KRT34: variants seen among roughly 807,000 people sequenced by gnomAD.
The protein encoded by KRT34 is keratin, type I cuticular Ha4.
Under a neutral mutation model 41.7 loss-of-function variants are expected in KRT34, and 31 were observed. That is an observed-to-expected ratio of 0.74 (90% CI 0.56 to 1.00). The LOEUF is 1.00. Among genes scored for constraint, KRT34 ranks in the 50% least tolerant of loss-of-function variants. The pLI is 0.00. For synonymous variants in KRT34, 224 were observed against 212.9 expected (o/e 1.05, Z -0.45); for missense variants, 523 against 500.3 (o/e 1.05, Z -0.43).
chr17:41,383,480 T>A (rs1249529120), upstream of KRT34, among the ~76,000 whole-genome samples: 1 of 152,082 alleles, frequency 6.6e-6, no homozygotes, highest in East Asian at 1.9e-4. Context: ...AGCAACAGCC[T>A]CTCTAAAGAT....
chr17:41,380,053 G>A (rs2017947784), intron 3 of KRT34, among the ~76,000 whole-genome samples: 1 of 152,200 alleles, frequency 6.6e-6, no homozygotes, highest in African/African-American at 2.4e-5. Flanking sequence ...GAAGTCAGGA[G>A]ATCGAAACCA....
At chr17:41,379,760 T>C in intron 3 of KRT34, 29 bp from the exon 4 acceptor site, 1 of 1,567,524 alleles carries the variant, frequency 6.4e-7, no homozygotes, top group Non-Finnish European at 8.6e-7. Flanking sequence ...ACAATGAACC[T>C]ACGGCAATGG....
In KRT34 at chr17:41,382,192, G is replaced by A. The variant is rs200888573; in HGVS notation, c.55C>T (p.Arg19Trp). The change falls in exon 1 of 7, where the codon CGG (arginine) becomes TGG (tryptophan). Residue 19 changes from arginine to tryptophan, a missense_variant. Coordinates refer to ENST00000394001, the MANE Select transcript of KRT34 (RefSeq NM_001386014.1). ...SLGCRTSCSS[R>W]PCVPPSCHGY... ...TGGCAGCTGGGGGGCACGCAGGGCCGGGAGGAGCAGCTGGTGCGGCAGCCC... is the reference window on the plus strand; with the variant it reads ...TGGCAGCTGGGGGGCACGCAGGGCCAGGAGGAGCAGCTGGTGCGGCAGCCC... 138 of 1,612,424 alleles carry A rather than the reference G, an allele frequency of 8.6e-5. No individual in the cohort carries two copies. Among genetic ancestry groups the A allele is most frequent in the East Asian group, 1.1e-4 (5 of 44,886 alleles).
chr17:41,379,287 A>G (rs767392329), intron 5 of KRT34, 66 bp downstream of exon 5: 25 of 1,611,196 alleles, frequency 1.6e-5, no homozygotes, highest in Non-Finnish European at 2.1e-5. Flanking sequence ...TGTGGCCCCA[A>G]GCACATCCCC....
intron 2 of KRT34, 137 bp downstream of exon 2, chr17:41,381,576 G>T: frequency 2.6e-6 from 2 of 772,702 alleles, no homozygotes; most frequent in Non-Finnish European, 4.1e-6. Context: ...CATGAGTCTA[G>T]TTCCCTATTT....
intron 5 of KRT34, 51 bp from the exon 6 acceptor site, chr17:41,379,227 T>C (rs755839991): frequency 6.2e-7 from 1 of 1,610,990 alleles, no homozygotes; most frequent in Non-Finnish European, 8.5e-7. Flanking sequence ...TCAAAGGGTT[T>C]CTTCACAGGA....
In KRT34 at chr17:41,379,472, C is replaced by T. The variant is rs77779192; in HGVS notation, c.757G>A (p.Glu253Lys). 1,814 of 1,614,232 alleles carry T rather than the reference C, an allele frequency of 1.1e-3. 16 individuals are homozygous for T. In the African/African-American group the frequency reaches 0.02, roughly 18 times the overall value. Reference sequence around the variant, plus strand: ...CTGGATACCACCTGCTTGTTCAGCTCCTCGGTCTGAAACACCCAAGTGGGG... The same window carrying T: ...CTGGATACCACCTGCTTGTTCAGCTTCTCGGTCTGAAACACCCAAGTGGGG... ...VEQWFATQTE[E>K]LNKQVVSSSE... Residue 253 changes from glutamate to lysine, a missense_variant, in exon 5 of 7, where the codon GAG becomes AAG. By Grantham distance (56) the Glu-to-Lys change is moderately conservative. Coordinates refer to ENST00000394001, the MANE Select transcript of KRT34 (RefSeq NM_001386014.1).
upstream of KRT34, chr17:41,382,472 C>A (rs139697182): frequency 1.1e-5 from 11 of 995,772 alleles, no homozygotes; most frequent in African/African-American, 1.8e-4. Context: ...TTCCATTCAG[C>A]TTATGTCACA....
Position 41,378,083 on chromosome 17 carries a change from G to T in KRT34, c.1161C>A (p.Thr387=), listed in dbSNP as rs923151476. 1.2e-6 allele frequency: 2 copies of T among 1,613,646 alleles called. No individual in the cohort carries two copies. The highest frequency in any genetic ancestry group is 2.7e-5 in the African/African-American group (2 of 74,922). ...TTCAATTACAGCAACCCTTTTGAGA[G>T]GTGCCACAGGGTCCACAGGAGTTGC... ...ASGNSCGPCG[T]SQKGCCN The change falls in exon 7 of 7, where the codon ACC becomes ACA. Residue 387 remains threonine (T), a synonymous_variant. Coordinates refer to ENST00000394001, the MANE Select transcript of KRT34 (RefSeq NM_001386014.1).
chr17:41,381,874 C>T (rs1230660598), intron 1 of KRT34, 25 bp downstream of exon 1: 2 of 1,612,802 alleles, frequency 1.2e-6, no homozygotes, highest in Non-Finnish European at 1.7e-6. Context: ...CTGCTGCTGG[C>T]CCCCCATATG....
In KRT34 at chr17:41,379,607, A is replaced by G. The variant is rs2239710; in HGVS notation, c.713T>C (p.Ile238Thr). The stretch of plus-strand genomic sequence containing the variant: ...CCATTGCTCCACTTCCCTGCGGTTA[A>G]TTTCCACCAGAGCCTCATACTGACT... ...TRSQYEALVE[I>T]NRREVEQWFA... Residue 238 changes from isoleucine (I) to threonine (T), a missense_variant, in exon 4 of 7, where the codon ATT becomes ACT. Physicochemically the swap from Ile to Thr is moderately conservative, Grantham distance 89. Transcript: ENST00000394001. The G allele has an allele frequency of 0.67, 1,088,883 of 1,613,858 alleles. 371,035 individuals carry two copies. The highest frequency in any genetic ancestry group is 0.93 in the African/African-American group (69,555 of 75,016).
intron 4 of KRT34, 44 bp from the exon 5 acceptor site, chr17:41,379,522 G>A (rs2017928882): frequency 6.2e-7 from 1 of 1,614,048 alleles, no homozygotes; most frequent in East Asian, 2.2e-5. Context: ...TGTCTCCAGG[G>A]CCCTGGGGCA....
Position 41,379,602 on chromosome 17 carries a change from G to A in KRT34, c.718C>T (p.Arg240Cys), listed in dbSNP as rs370586990. 2.0e-5 allele frequency: 33 copies of A among 1,613,968 alleles called. No homozygotes were observed. The highest frequency in any genetic ancestry group is 8.3e-5 in the Admixed American group (5 of 59,994). Reference sequence around the variant, plus strand: ...GCGAACCATTGCTCCACTTCCCTGCGGTTAATTTCCACCAGAGCCTCATAC... The same window carrying A: ...GCGAACCATTGCTCCACTTCCCTGCAGTTAATTTCCACCAGAGCCTCATAC... ...SQYEALVEINRREVEQWFATQ... is the reference protein window; with the variant it reads ...SQYEALVEINCREVEQWFATQ... Residue 240 changes from arginine to cysteine, a missense_variant, in exon 4 of 7, where the codon CGC (arginine) becomes TGC (cysteine). Physicochemically the swap from Arg to Cys is radical, Grantham distance 180. Coordinates refer to ENST00000394001, the MANE Select transcript of KRT34 (RefSeq NM_001386014.1).
chr17:41,379,881 C>T, intron 3 of KRT34, 150 bp from the exon 4 acceptor site: 1 of 849,736 alleles, frequency 1.2e-6, no homozygotes, highest in Non-Finnish European at 1.8e-6. Flanking sequence ...TAGCAATAAA[C>T]TCCAACAGGG....
In KRT34 at chr17:41,381,315, T is replaced by G. The variant is rs553377959; in HGVS notation, c.432-103A>C. ...GCCTGAATCTTCTTGAACTTACAGT[T>G]TTCTGCCTCTTCTCTTCCATATGCT... On this transcript the variant is annotated intron_variant, in intron 2 of 6. Coordinates refer to ENST00000394001, the MANE Select transcript of KRT34 (RefSeq NM_001386014.1). 4 of 1,224,626 alleles carry G rather than the reference T, an allele frequency of 3.3e-6. No homozygotes were observed. The East Asian group carries it at 7.2e-5, about 22-fold the overall frequency. The allele number at this position is 1,224,626 out of a possible 1,614,324, so 75.9% of individuals were successfully genotyped here.
In KRT34 at chr17:41,380,321, G is replaced by A. The variant is rs2017954185; in HGVS notation, c.589-590C>T. Among the ~76,000 whole-genome samples the A allele has an allele frequency of 2.0e-5, 3 of 151,626 alleles. No homozygotes were observed. The South Asian group carries it at 6.3e-4, about 32-fold the overall frequency. On this transcript the variant is annotated intron_variant, in intron 3 of 6. Coordinates refer to ENST00000394001, the MANE Select transcript of KRT34 (RefSeq NM_001386014.1). ...CAAAGAGTGACACACACATTTTATA[G>A]CAATAAACTCCAACAGGGATCACGT...
At chr17:41,382,319 C>T (rs1435696816), upstream of KRT34, 1 of 1,613,402 alleles carries the variant, frequency 6.2e-7, no homozygotes, top group Non-Finnish European at 8.5e-7. Flanking sequence ...GTCTCTCCTT[C>T]CTCTGCAGTC....
chr17:41,379,752 A>G, intron 3 of KRT34, 21 bp from the exon 4 acceptor site: 1 of 1,582,820 alleles, frequency 6.3e-7, no homozygotes, highest in Non-Finnish European at 8.6e-7. Flanking sequence ...AAAGGGAAAC[A>G]ATGAACCTAC....
intron 5 of KRT34, 53 bp downstream of exon 5, chr17:41,379,300 G>A (rs2017920833): frequency 1.9e-6 from 3 of 1,612,058 alleles, no homozygotes; most frequent in African/African-American, 2.7e-5. Context: ...ACATCCCCGG[G>A]ACTCTGCCTC....
Sources: gnomAD v4.1 joint callset for allele counts (sites outside exome capture counted in the v4.1 genomes callset) on GRCh38, gnomAD v4.1.1 for gene constraint, MANE v1.5 for transcripts, NCBI Gene and HGNC (gene_info 2026-07-23, HGNC 2026-07-21) for gene names.